The following PCLO variants were observed in gnomAD, a reference collection of about 807,000 sequenced individuals.
PCLO encodes the protein protein piccolo.
A neutral mutation model predicts 427.5 loss-of-function variants in PCLO; 82 were observed. The ratio of observed to expected loss-of-function variants is 0.19; its 90% CI spans 0.16 to 0.23. PCLO has a LOEUF of 0.23. PCLO is among the 10% of genes least tolerant of loss of function. The probability of loss-of-function intolerance (pLI) is 1.00; values close to 1 mark genes in which losing one functional copy is unlikely to be tolerated. For missense variants in PCLO, 6,239 were observed against 6,115.9 expected, an observed-to-expected ratio of 1.02 and a Z score of -0.67; for synonymous variants, 2,357 against 2,155.4, an observed-to-expected ratio of 1.09 and a Z score of -2.59.
chr7:82,870,089 T>A (rs937739651), intron 10 of PCLO, among the ~76,000 whole-genome samples: 15 of 151,798 alleles, frequency 9.9e-5, no homozygotes, highest in Admixed American at 9.2e-4. Context: ...TACAAAAAAA[T>A]TTCTAATAGT....
chr7:82,905,603 G>C (rs1236461680), intron 8 of PCLO, among the ~76,000 whole-genome samples: 1 of 151,968 alleles, frequency 6.6e-6, no homozygotes, highest in Non-Finnish European at 1.5e-5. Context: ...AAGTGGGGGT[G>C]GTAGTGTCAG....
At chr7:83,026,052 A>G (rs1325423393) in intron 3 of PCLO, among the ~76,000 whole-genome samples, 1 of 152,094 alleles carries the variant, frequency 6.6e-6, no homozygotes, top group African/African-American at 2.4e-5. Flanking sequence ...TCAACTAACG[A>G]GCAAAATCAC....
At chr7:82,970,686 C>T (rs749630048) in intron 3 of PCLO, among the ~76,000 whole-genome samples, 1 of 151,634 alleles carries the variant, frequency 6.6e-6, no homozygotes, top group Non-Finnish European at 1.5e-5. Flanking sequence ...TAGAGTAACA[C>T]CAAAAATTTT....
At chr7:82,964,738 C>T (rs573398341) in intron 4 of PCLO, among the ~76,000 whole-genome samples, 1 of 151,996 alleles carries the variant, frequency 6.6e-6, no homozygotes, top group Non-Finnish European at 1.5e-5. Flanking sequence ...TAGATTCAGT[C>T]ATTAGAATGG....
At chr7:82,908,160 G>A (rs943422721) in intron 8 of PCLO, among the ~76,000 whole-genome samples, 1 of 152,008 alleles carries the variant, frequency 6.6e-6, no homozygotes, top group African/African-American at 2.4e-5. Flanking sequence ...CTTACCTGAA[G>A]ACTCTCCTTC....
At chr7:82,814,532 T>A (rs1159533235) in intron 20 of PCLO, among the ~76,000 whole-genome samples, 1 of 151,270 alleles carries the variant, frequency 6.6e-6, no homozygotes, top group Non-Finnish European at 1.5e-5. Flanking sequence ...CTTAAATGTT[T>A]AAGCTGGACA....
At chr7:83,063,865 A>C (rs763445365) in intron 3 of PCLO, among the ~76,000 whole-genome samples, 20 of 152,076 alleles carry the variant, frequency 1.3e-4, no homozygotes, top group Non-Finnish European at 2.5e-4. Flanking sequence ...CCTCTCATTA[A>C]AAGTTCTTAA....
At chr7:82,999,054 A>G (rs1165629019) in intron 3 of PCLO, among the ~76,000 whole-genome samples, 1 of 150,446 alleles carries the variant, frequency 6.6e-6, no homozygotes, top group Non-Finnish European at 1.5e-5. Context: ...TGCCTTTGAT[A>G]GGCTTATTAG....
intron 6 of PCLO, among the ~76,000 whole-genome samples, chr7:82,935,279 G>A (rs1309912723): frequency 6.7e-6 from 1 of 150,012 alleles, no homozygotes; most frequent in Admixed American, 6.7e-5. Context: ...TACTTGTTCA[G>A]GATAGCCTTC....
At chr7:82,962,688 T>A (rs920477614) in intron 4 of PCLO, among the ~76,000 whole-genome samples, 52 of 151,988 alleles carry the variant, frequency 3.4e-4, no homozygotes, top group African/African-American at 1.2e-3. Flanking sequence ...GTATATTTTT[T>A]AAATAAAAAA....
chr7:82,952,515 A>G lies in PCLO; in HGVS notation c.8438T>C (p.Leu2813Pro). The stretch of plus-strand genomic sequence containing the variant: ...TGTCATTGCATGTTCTGCACCCACT[A>G]GGCTTTCTGTGCCTGTAGTGTAACT... Reference protein sequence around the residue: ...SASYTTGTESLVGAEHAMTTP... With the variant: ...SASYTTGTESPVGAEHAMTTP... The change falls in exon 5 of 25, where the codon CTA becomes CCA. Residue 2813 changes from leucine (L) to proline (P), a missense_variant. By Grantham distance (98) the Leu-to-Pro change is moderately conservative. Transcript: ENST00000333891. 1 of 1,613,912 alleles carries G rather than the reference A, an allele frequency of 6.2e-7. No individual in the cohort carries two copies.
chr7:82,924,026 T>A (rs1794656241), intron 6 of PCLO, among the ~76,000 whole-genome samples: 2 of 152,090 alleles, frequency 1.3e-5, no homozygotes, highest in African/African-American at 2.4e-5. Flanking sequence ...AAGACACTCA[T>A]GCACGTGATA....
chr7:82,958,889 A>C (rs1044245353), intron 4 of PCLO, among the ~76,000 whole-genome samples: 2 of 152,094 alleles, frequency 1.3e-5, no homozygotes, highest in Non-Finnish European at 2.9e-5. Flanking sequence ...AATTCAGTAT[A>C]ATTTCTATGT....
Position 83,076,359 on chromosome 7 carries a change from T to A in PCLO, c.3300+57891A>T, listed in dbSNP as rs1053594600. Among the ~76,000 whole-genome samples, 34 of 151,856 alleles carry A rather than the reference T, an allele frequency of 2.2e-4. No homozygotes were observed. In the East Asian group the frequency reaches 6.4e-3, roughly 29 times the overall value. ...ATCTCTGCAACCTCCAGCTCCCAGGTTCAAGCAATTCTCCTGCCTCAGCCT... is the reference window on the plus strand; with the variant it reads ...ATCTCTGCAACCTCCAGCTCCCAGGATCAAGCAATTCTCCTGCCTCAGCCT... On this transcript the variant is annotated intron_variant, in intron 3 of 24. Coordinates refer to ENST00000333891, the MANE Select transcript of PCLO (RefSeq NM_033026.6).
At chr7:82,888,948 G>A (rs1390653514) in intron 9 of PCLO, among the ~76,000 whole-genome samples, 3 of 78,072 alleles carry the variant, frequency 3.8e-5, no homozygotes, top group Non-Finnish European at 8.0e-5. Context: ...AGTTCCCCCC[G>A]CCCCCTGCCC....
chr7:82,782,303 G>A (rs993282530), intron 22 of PCLO, among the ~76,000 whole-genome samples: 4 of 152,176 alleles, frequency 2.6e-5, no homozygotes, highest in Admixed American at 2.0e-4. Context: ...GTTGTGGTGT[G>A]AGAATTGTGG....
intron 3 of PCLO, among the ~76,000 whole-genome samples, chr7:82,987,507 G>T (rs1033409292): frequency 6.6e-6 from 1 of 151,988 alleles, no homozygotes; most frequent in Admixed American, 6.6e-5. Flanking sequence ...AGTATGTGAA[G>T]ATATAATTGC....
chr7:82,877,508 G>C (rs185694780), intron 10 of PCLO, among the ~76,000 whole-genome samples: 2 of 152,072 alleles, frequency 1.3e-5, no homozygotes, highest in Non-Finnish European at 2.9e-5. Context: ...ATCATTGGGC[G>C]TGAAAGGGTT....
At chr7:82,780,379 C>T (rs1388337922) in intron 22 of PCLO, among the ~76,000 whole-genome samples, 2 of 152,114 alleles carry the variant, frequency 1.3e-5, no homozygotes, top group Non-Finnish European at 2.9e-5. Flanking sequence ...CTATGGTTCC[C>T]CACTTCCTTT....
Sources: gnomAD v4.1 joint callset for allele counts (sites outside exome capture counted in the v4.1 genomes callset) on GRCh38, gnomAD v4.1.1 for gene constraint, MANE v1.5 for transcripts, NCBI Gene and HGNC (gene_info 2026-07-23, HGNC 2026-07-21) for gene names.